Variants in NPEPL1 observed in about 807,000 individuals in gnomAD.
NPEPL1 encodes the protein aminopeptidase like 1.
Under a neutral mutation model 52.4 loss-of-function variants are expected in NPEPL1, and 45 were observed. The observed-to-expected ratio is 0.86, with a 90% confidence interval of 0.68 to 1.10. The LOEUF (loss-of-function observed/expected upper bound fraction) is 1.10, where lower values mean the gene tolerates loss of function less well. NPEPL1 is among the 50% of genes least tolerant of loss of function. The pLI is 0.00. For synonymous variants in NPEPL1, 360 were observed against 314.7 expected (o/e 1.14, Z -1.52); for missense variants, 696 against 710.9 (o/e 0.98, Z 0.24).
chr20:58,689,525 T>G (rs1012155328), upstream of NPEPL1, among the ~76,000 whole-genome samples: 7 of 152,196 alleles, frequency 4.6e-5, no homozygotes, highest in African/African-American at 1.2e-4. Flanking sequence ...CCTCCCAAAG[T>G]GTTGGGATTA....
chr20:58,694,642 G>A, intron 3 of NPEPL1, 50 bp downstream of exon 3: 1 of 1,540,980 alleles, frequency 6.5e-7, no homozygotes. Flanking sequence ...GCAAGATCGG[G>A]CAGGTGGGAG....
At chr20:58,694,238 G>A (rs1051240504) in intron 2 of NPEPL1, among the ~76,000 whole-genome samples, 184 bp from the exon 3 acceptor site, 5 of 152,190 alleles carry the variant, frequency 3.3e-5, no homozygotes, top group African/African-American at 4.8e-5. Context: ...CTTGGAGCAT[G>A]ACCAATGGTG....
chr20:58,710,352 A>G (rs1568859157), intron 7 of NPEPL1, among the ~76,000 whole-genome samples: 1 of 152,078 alleles, frequency 6.6e-6, no homozygotes, highest in Non-Finnish European at 1.5e-5. Context: ...CTATTTCTGC[A>G]ATTTTTTTGT....
rs2084803107 is a variant in NPEPL1, at chr20:58,709,942, T to C, written c.901-2537T>C. Among the ~76,000 whole-genome samples the C allele has an allele frequency of 1.1e-4, 16 of 152,192 alleles. No individual in the cohort carries two copies. The South Asian group carries it at 3.3e-3, about 32-fold the overall frequency. On this transcript the variant is annotated intron_variant, in intron 7 of 11. Coordinates refer to ENST00000356091, the MANE Select transcript of NPEPL1 (RefSeq NM_024663.4). The stretch of plus-strand genomic sequence containing the variant: ...GAGGTGATGGTCCTGTGTTGGTGAT[T>C]ACTACCCCCTGCTGCCCATTGTCCC...
rs551981685 is a variant in NPEPL1 at position 58,699,262 on chromosome 20, G to C, written c.663G>C (p.Lys221Asn). The C allele has an allele frequency of 1.2e-6, 2 of 1,607,122 alleles. No individual in the cohort carries two copies. The highest frequency in any genetic ancestry group is 1.7e-6 in the Non-Finnish European group (2 of 1,176,782). The change falls in exon 5 of 12, where the codon AAG becomes AAC. Residue 221 changes from lysine (K) to asparagine (N), a missense_variant. Transcript: ENST00000356091. ...IPTIIRDEELKTRGFGGIYGV... is the reference protein window; with the variant it reads ...IPTIIRDEELNTRGFGGIYGV... ...CCATCATCCGGGATGAGGAACTGAA[G>C]ACGAGAGGATTTGGAGGTGGGTGGG...
At chr20:58,696,367 C>T (rs116752505) in intron 3 of NPEPL1, among the ~76,000 whole-genome samples, 3,352 of 152,342 alleles carry the variant, frequency 0.022, 113 homozygotes, top group African/African-American at 0.076. Context: ...GTCAGCTAAA[C>T]CATCACTACT....
chr20:58,713,976 C>T lies in NPEPL1; in HGVS notation c.1185C>T (p.Ala395=), dbSNP rs1288044033. 9.2e-6 allele frequency: 14 copies of T among 1,522,930 alleles called. No individual in the cohort carries two copies. The highest frequency in any genetic ancestry group is 1.8e-4 in the Middle Eastern group (1 of 5,418). 94.3% of individuals were successfully genotyped at this position (1,522,930 alleles called of 1,614,324 possible). ...AVLTNSAEWE[A]ACVKAGRKCG... ...TCACCAACAGCGCTGAGTGGGAGGC[C>T]GCCTGTGTGAAGGCGGGCAGGAAGT... The change falls in exon 10 of 12, where the codon GCC becomes GCT. Residue 395 remains alanine (A), a synonymous_variant. Coordinates refer to ENST00000356091, the MANE Select transcript of NPEPL1 (RefSeq NM_024663.4). This position sits in a 1 kb window ranked among gnomAD's most constrained non-coding sequence, Gnocchi z 4.6.
chr20:58,701,912 C>T (rs917324232), intron 6 of NPEPL1, among the ~76,000 whole-genome samples: 5 of 152,160 alleles, frequency 3.3e-5, no homozygotes, highest in Non-Finnish European at 7.4e-5. Flanking sequence ...GTGGAGCCCC[C>T]GTCGTGGCCG....
chr20:58,707,470 G>A (rs774896561), intron 7 of NPEPL1, among the ~76,000 whole-genome samples: 16 of 152,236 alleles, frequency 1.1e-4, no homozygotes, highest in Non-Finnish European at 1.9e-4. Context: ...TGAGCGGTTG[G>A]CTCAATGAGG....
At chr20:58,706,983 G>T in intron 6 of NPEPL1, 140 bp from the exon 7 acceptor site, 2 of 824,726 alleles carry the variant, frequency 2.4e-6, no homozygotes, top group Non-Finnish European at 2.0e-6. Flanking sequence ...GTGCCCAGGA[G>T]GCCTGGTGTG....
intron 3 of NPEPL1, among the ~76,000 whole-genome samples, chr20:58,695,305 A>G (rs6128405): frequency 0.66 from 81,419 of 124,014 alleles, 22,649 homozygotes; most frequent in African/African-American, 0.75. Context: ...TATGAGTGCT[A>G]GTGTGTGCAT....
intron 6 of NPEPL1, chr20:58,703,638 ACT>A: frequency 1.0e-6 from 1 of 985,172 alleles, no homozygotes; most frequent in African/African-American, 1.7e-5. Flanking sequence ...TGTGGCACTA[ACT>A]CTAGTCACTT....
intron 8 of NPEPL1, 150 bp downstream of exon 8, chr20:58,712,729 GGAGCTTTGGTA>G (rs1421378905): frequency 1.4e-6 from 1 of 709,512 alleles, no homozygotes; most frequent in Non-Finnish European, 2.5e-6. Context: ...GGAGGGCTGG[GGAGCTTTGGTA>G]GCAGGCGCAC....
intron 6 of NPEPL1, among the ~76,000 whole-genome samples, chr20:58,702,468 C>T (rs1204447220): frequency 6.6e-6 from 1 of 152,184 alleles, no homozygotes; most frequent in East Asian, 1.9e-4. Flanking sequence ...AGTTCCCATC[C>T]CTCCTCTAAA....
chr20:58,704,054 C>A (rs1763730885), intron 6 of NPEPL1: 1 of 985,250 alleles, frequency 1.0e-6, no homozygotes, highest in Non-Finnish European at 1.2e-6. Context: ...AACCAGCAGG[C>A]CTTTCCTGAG....
intron 10 of NPEPL1, 161 bp from the exon 11 acceptor site, chr20:58,714,399 T>C: frequency 1.6e-6 from 1 of 620,212 alleles, no homozygotes; most frequent in South Asian, 2.0e-5. Flanking sequence ...CCTTAGCTCA[T>C]GGTCAAGGCC....
intron 7 of NPEPL1, among the ~76,000 whole-genome samples, chr20:58,708,049 A>C (rs2084770688): frequency 6.6e-6 from 1 of 150,648 alleles, no homozygotes; most frequent in Non-Finnish European, 1.5e-5. Flanking sequence ...CCACTGCTGC[A>C]CTGCAGCCTG....
At chr20:58,705,158 T>C (rs1436265625) in intron 6 of NPEPL1, among the ~76,000 whole-genome samples, 1 of 152,240 alleles carries the variant, frequency 6.6e-6, no homozygotes, top group Non-Finnish European at 1.5e-5. Context: ...ATAAATAATG[T>C]CAGCTGTTTC....
At chr20:58,694,033 T>C in intron 2 of NPEPL1, 111 bp downstream of exon 2, 1 of 1,064,532 alleles carries the variant, frequency 9.4e-7, no homozygotes, top group Non-Finnish European at 1.3e-6. Context: ...CAGAGGGCTG[T>C]GGACGTTATC....
Sources: gnomAD v4.1 joint callset for allele counts (sites outside exome capture counted in the v4.1 genomes callset) on GRCh38, gnomAD v4.1.1 for gene constraint, Gnocchi (gnomAD v3.1) non-coding constraint, MANE v1.5 for transcripts, NCBI Gene and HGNC (gene_info 2026-07-23, HGNC 2026-07-21) for gene names.